The following NOL4 variants were observed in gnomAD, a reference collection of about 807,000 sequenced individuals.
NOL4 encodes cancer/testis antigen 125.
In NOL4, 17 loss-of-function variants were observed where a neutral mutation model predicts 75.9. The ratio of observed to expected loss-of-function variants is 0.22; its 90% confidence interval spans 0.15 to 0.34. The LOEUF is 0.34. Among genes scored for constraint, NOL4 ranks in the 10% least tolerant of loss-of-function variants. The probability of loss-of-function intolerance (pLI) is 1.00; values close to 1 mark genes in which losing one functional copy is unlikely to be tolerated. For synonymous variants in NOL4, 292 were observed against 289.9 expected (o/e 1.01, Z -0.07); for missense variants, 614 against 793.5 (o/e 0.77, Z 2.72).
At chr18:34,211,939 A>T (rs1225354299) in intron 1 of NOL4, among the ~76,000 whole-genome samples, 1 of 152,188 alleles carries the variant, frequency 6.6e-6, no homozygotes, top group African/African-American at 2.4e-5. Context: ...TGTAATATTT[A>T]AATAAGTTAA....
In NOL4 at chr18:33,883,306, C is replaced by T. The variant is rs1480094872; in HGVS notation, c.1661G>A (p.Ser554Asn). 3 of 1,613,300 alleles carry T rather than the reference C, an allele frequency of 1.9e-6. No individual in the cohort carries two copies. Among genetic ancestry groups the T allele is most frequent in the Non-Finnish European group, 1.7e-6 (2 of 1,179,468 alleles). Residue 554 changes from serine to asparagine, a missense_variant, in exon 10 of 11, where the codon AGT becomes AAT. Ser to Asn is a conservative substitution (Grantham distance 46). Transcript: ENST00000261592. ...VLYINGNGTYSYHSYRGLGGG... is the reference protein window; with the variant it reads ...VLYINGNGTYNYHSYRGLGGG... Reference sequence around the variant, plus strand: ...TCCTAGCCCTCTGTAACTATGGTAACTATAGGTCCCATTTCCATTGATGTA... The same window carrying T: ...TCCTAGCCCTCTGTAACTATGGTAATTATAGGTCCCATTTCCATTGATGTA...
rs1309648655 is a variant in NOL4 at position 34,112,536 on chromosome 18, G to A, written c.415-7376C>T. Among the ~76,000 whole-genome samples the A allele has an allele frequency of 7.2e-5, 11 of 152,036 alleles. No individual in the cohort carries two copies. The East Asian group carries it at 1.7e-3, about 24-fold the overall frequency. On this transcript the variant is annotated intron_variant, in intron 2 of 10. Coordinates refer to ENST00000261592, the MANE Select transcript of NOL4 (RefSeq NM_003787.5). ...AATATTATTCATCCCCAAAAAAGAA[G>A]GAAATCCTGTCATTTGCAACAACAT...
At chr18:34,200,438 T>C (rs1049405249) in intron 1 of NOL4, among the ~76,000 whole-genome samples, 2 of 151,874 alleles carry the variant, frequency 1.3e-5, no homozygotes, top group African/African-American at 4.8e-5. Flanking sequence ...TGACTCTAAA[T>C]CTTTCCTAGT....
chr18:33,990,563 C>A (rs1022549779), intron 6 of NOL4, among the ~76,000 whole-genome samples: 2 of 150,608 alleles, frequency 1.3e-5, no homozygotes, highest in Non-Finnish European at 3.0e-5. Flanking sequence ...AAGGTCTAGA[C>A]ATTGGGCTGC....
intron 7 of NOL4, 93 bp from the exon 8 acceptor site, chr18:33,957,610 G>A (rs572765671): frequency 9.9e-7 from 1 of 1,006,290 alleles, no homozygotes; most frequent in Non-Finnish European, 1.4e-6. Context: ...GGAAAATACT[G>A]TTTTCTGGTT....
At chr18:33,881,358 TC>T in intron 10 of NOL4, among the ~76,000 whole-genome samples, 1 of 148,828 alleles carries the variant, frequency 6.7e-6, no homozygotes, top group East Asian at 2.0e-4. Context: ...ACCCTTTATT[TC>T]CTTCTCCTGC....
intron 5 of NOL4, among the ~76,000 whole-genome samples, chr18:34,073,748 T>A (rs1466867307): frequency 3.3e-5 from 5 of 151,978 alleles, no homozygotes. Context: ...GTAGTGAAGC[T>A]ACAAAATAAT....
chr18:33,917,504 A>G (rs2066793460), intron 9 of NOL4, among the ~76,000 whole-genome samples: 1 of 152,050 alleles, frequency 6.6e-6, no homozygotes, highest in African/African-American at 2.4e-5. Flanking sequence ...TAATTAATTA[A>G]TTAATGTTTT....
At chr18:33,876,577 C>A (rs563808037) in intron 10 of NOL4, among the ~76,000 whole-genome samples, 5 of 152,028 alleles carry the variant, frequency 3.3e-5, no homozygotes, top group Non-Finnish European at 7.4e-5. Context: ...AAGATTTATG[C>A]ATATGTATGT....
intron 10 of NOL4, among the ~76,000 whole-genome samples, chr18:33,879,033 G>T (rs528324543): frequency 2.6e-5 from 4 of 152,170 alleles, no homozygotes; most frequent in African/African-American, 9.6e-5. Context: ...ACTTGGACGA[G>T]TTCCTCTCTA....
intron 1 of NOL4, chr18:34,222,146 T>G: frequency 6.5e-7 from 1 of 1,526,866 alleles, no homozygotes. Flanking sequence ...TTCTGCAGCG[T>G]GAGGCTGAGA....
chr18:34,095,573 T>C (rs2145575272), intron 4 of NOL4, among the ~76,000 whole-genome samples: 1 of 152,232 alleles, frequency 6.6e-6, no homozygotes, highest in East Asian at 1.9e-4. Context: ...TCTTTATCTA[T>C]ACAATGGAAA....
At position 33,859,140 on chromosome 18, in the gene NOL4, T is replaced by C. The variant is rs149695619; in HGVS notation, c.1724-6105A>G. Among the ~76,000 whole-genome samples, 3 of 152,222 alleles carry C rather than the reference T, an allele frequency of 2.0e-5. No individual in the cohort carries two copies. In the East Asian group the frequency reaches 5.8e-4, roughly 29 times the overall value. ...CAATTTTTTCACTTATTCTATTGTC[T>C]TTGGGTTTTCTCTGTTTTGACTTCT... On this transcript the variant is annotated intron_variant, in intron 10 of 10. Transcript: ENST00000261592.
chr18:34,221,925 G>A (rs1568464072), intron 1 of NOL4: 1 of 1,018,394 alleles, frequency 9.8e-7, no homozygotes, highest in Non-Finnish European at 1.5e-6. Context: ...ACAGGAGGGG[G>A]GAAAGGAAGA....
In NOL4 at chr18:33,957,311, T is replaced by G; in HGVS notation, c.1428+15A>C. ...TTTGATGGAGTCTAGGGCTGTGTTTTAATTCAAAACTCACCATCTCAAAAC... is the reference window on the plus strand; with the variant it reads ...TTTGATGGAGTCTAGGGCTGTGTTTGAATTCAAAACTCACCATCTCAAAAC... On this transcript the variant is annotated intron_variant, in intron 8 of 10. Coordinates refer to ENST00000261592, the MANE Select transcript of NOL4 (RefSeq NM_003787.5). 6.2e-7 allele frequency: 1 copy of G among 1,603,836 alleles called. No individual in the cohort carries two copies. The highest frequency in any genetic ancestry group is 1.1e-5 in the South Asian group (1 of 89,634).
intron 9 of NOL4, among the ~76,000 whole-genome samples, chr18:33,898,553 T>C (rs2065558910): frequency 6.6e-6 from 1 of 152,164 alleles, no homozygotes; most frequent in Non-Finnish European, 1.5e-5. Flanking sequence ...TTTTCTTCTC[T>C]TAGTACCACT....
At chr18:34,029,569 A>ACAGAT (rs2075529010) in intron 5 of NOL4, among the ~76,000 whole-genome samples, 1 of 152,154 alleles carries the variant, frequency 6.6e-6, no homozygotes, top group African/African-American at 2.4e-5. Context: ...AGCTGACTCC[A>ACAGAT]TAATCTGTGG....
At chr18:34,052,134 A>G (rs1196796932) in intron 5 of NOL4, among the ~76,000 whole-genome samples, 4 of 152,092 alleles carry the variant, frequency 2.6e-5, no homozygotes, top group African/African-American at 9.7e-5. Flanking sequence ...ATCTAATAAA[A>G]CAAAGTGAAT....
intron 1 of NOL4, among the ~76,000 whole-genome samples, chr18:34,130,814 T>C (rs1000231404): frequency 9.2e-5 from 14 of 152,110 alleles, no homozygotes; most frequent in Admixed American, 5.9e-4. Context: ...CAAAGTACTA[T>C]AAGAATTAAG....
Sources: allele counts gnomAD v4.1 joint callset (sites outside exome capture counted in the v4.1 genomes callset), GRCh38; gene constraint gnomAD v4.1.1; transcripts MANE v1.5; gene names NCBI Gene and HGNC (gene_info 2026-07-23, HGNC 2026-07-21).